The following DENND5B variants were observed in gnomAD, a reference collection of about 807,000 sequenced individuals.
The protein encoded by DENND5B is DENN domain containing 5B, also known as DENN domain-containing protein 5B.
A neutral mutation model predicts 140.6 loss-of-function variants in DENND5B; 34 were observed. That is an observed-to-expected ratio of 0.24 (90% CI 0.18 to 0.32). The LOEUF (loss-of-function observed/expected upper bound fraction) is 0.32, where lower values mean the gene tolerates loss of function less well. Ranked by LOEUF, DENND5B falls within the 10% of genes least tolerant of loss-of-function variation. The probability of loss-of-function intolerance (pLI) is 1.00; values close to 1 mark genes in which losing one functional copy is unlikely to be tolerated. For synonymous variants in DENND5B, 551 were observed against 562.1 expected (o/e 0.98, Z 0.28); for missense variants, 1,142 against 1,560.2 (o/e 0.73, Z 4.52).
intron 1 of DENND5B, among the ~76,000 whole-genome samples, chr12:31,551,396 G>A (rs9738834): frequency 0.56 from 84,563 of 151,768 alleles, 24,005 homozygotes; most frequent in East Asian, 0.82. Context: ...TATTTCTGAG[G>A]GCTCTGCTCT....
chr12:31,590,419 G>A (rs1950576876), intron 1 of DENND5B: 1 of 224,056 alleles, frequency 4.5e-6, no homozygotes, highest in South Asian at 1.7e-4. Context: ...AAGCGAAGGG[G>A]CCGGCGCGCC....
intron 18 of DENND5B, 86 bp downstream of exon 18, chr12:31,392,528 T>G (rs1941201847): frequency 6.6e-7 from 1 of 1,521,570 alleles, no homozygotes; most frequent in African/African-American, 1.4e-5. Flanking sequence ...CAAATGAAAA[T>G]TCAAGCACCC....
At chr12:31,578,466 C>T (rs536275516) in intron 1 of DENND5B, among the ~76,000 whole-genome samples, 79 of 152,266 alleles carry the variant, frequency 5.2e-4, no homozygotes, top group African/African-American at 1.6e-3. Flanking sequence ...TCATCAGTAA[C>T]GGTAGCTTAC....
intron 2 of DENND5B, among the ~76,000 whole-genome samples, chr12:31,482,104 C>G (rs753333322): frequency 2.0e-5 from 3 of 152,148 alleles, no homozygotes; most frequent in Non-Finnish European, 4.4e-5. Flanking sequence ...GGGTGGGTGT[C>G]CAAACTGCTC....
At chr12:31,503,390 T>A (rs1427960215) in intron 1 of DENND5B, among the ~76,000 whole-genome samples, 1 of 152,112 alleles carries the variant, frequency 6.6e-6, no homozygotes, top group East Asian at 1.9e-4. Context: ...TAAAACCCTG[T>A]CTCTACAAAA....
chr12:31,435,521 T>C (rs1018469933), intron 7 of DENND5B, among the ~76,000 whole-genome samples: 1 of 152,178 alleles, frequency 6.6e-6, no homozygotes, highest in Non-Finnish European at 1.5e-5. Context: ...TCTGTAGTCA[T>C]GTTAACATCT....
In DENND5B at chr12:31,497,105, GA is replaced by G. The variant is rs533616135; in HGVS notation, c.128-1187del. Among the ~76,000 whole-genome samples, 602 of 141,556 alleles carry G rather than the reference GA, an allele frequency of 4.3e-3. 4 individuals are homozygous for G. Among genetic ancestry groups the G allele is most frequent in the Non-Finnish European group, 4.9e-3 (319 of 64,512 alleles). 92.9% of individuals were successfully genotyped at this position (141,556 alleles called of 152,430 possible). A position where few individuals can be genotyped will look rare whatever the true frequency, so the allele number is the denominator to read the frequency against. On this transcript the variant is annotated intron_variant, in intron 1 of 20. Transcript: ENST00000389082. ...CAGTTTCTATTTTGGGTAAAAATAT[GA>G]AAAAAAAAAACCACCTTGGAATGCA...
chr12:31,503,556 A>C (rs945319657), intron 1 of DENND5B, among the ~76,000 whole-genome samples: 1 of 152,230 alleles, frequency 6.6e-6, no homozygotes, highest in African/African-American at 2.4e-5. Context: ...GTGTCTAAAC[A>C]AACAATTGAC....
In DENND5B at chr12:31,424,552, C is replaced by T. The variant is rs2137721433; in HGVS notation, c.2374G>A (p.Gly792Ser). 1 of 1,613,718 alleles carries T rather than the reference C, an allele frequency of 6.2e-7. No individual in the cohort carries two copies. Residue 792 changes from glycine to serine, a missense_variant, in exon 10 of 21, where the codon GGC (glycine) becomes AGC (serine). This residue lies in a region of DENND5B where 33 missense variants were observed against 90.8 expected (regional missense o/e 0.36). Transcript: ENST00000389082. ...ACTGTTACCTGCTTGACCTGCAAGCCATGGCTCCATATCCTCTCCAGCAGG... is the reference window on the plus strand; with the variant it reads ...ACTGTTACCTGCTTGACCTGCAAGCTATGGCTCCATATCCTCTCCAGCAGG... ...CDLLERIWSHGLQVKQGKSAL... is the reference protein window; with the variant it reads ...CDLLERIWSHSLQVKQGKSAL...
intron 1 of DENND5B, among the ~76,000 whole-genome samples, chr12:31,586,051 G>A (rs1950383733): frequency 6.6e-6 from 1 of 152,124 alleles, no homozygotes. Flanking sequence ...TAGAGGGCTT[G>A]TATATTTATT....
chr12:31,561,992 T>C (rs961079318), intron 1 of DENND5B, among the ~76,000 whole-genome samples: 1 of 152,192 alleles, frequency 6.6e-6, no homozygotes, highest in Non-Finnish European at 1.5e-5. Flanking sequence ...CAAATATAAA[T>C]AAATAACAGG....
intron 17 of DENND5B, among the ~76,000 whole-genome samples, chr12:31,394,392 C>T (rs746077571): frequency 1.3e-5 from 2 of 152,018 alleles, no homozygotes; most frequent in Non-Finnish European, 2.9e-5. Context: ...GGATAAAAGC[C>T]TCTCAGATAA....
At chr12:31,556,842 A>T (rs932617366) in intron 1 of DENND5B, among the ~76,000 whole-genome samples, 4 of 152,036 alleles carry the variant, frequency 2.6e-5, no homozygotes, top group Admixed American at 6.6e-5. Context: ...CAATATGATT[A>T]AAAAAAAGAA....
At chr12:31,428,032 C>A (rs533881333) in intron 8 of DENND5B, among the ~76,000 whole-genome samples, 1 of 152,238 alleles carries the variant, frequency 6.6e-6, no homozygotes, top group Non-Finnish European at 1.5e-5. Context: ...TGACGAAAGG[C>A]AAAATTAACA....
intron 15 of DENND5B, among the ~76,000 whole-genome samples, chr12:31,402,134 T>C (rs1191748093): frequency 2.0e-5 from 3 of 150,894 alleles, no homozygotes; most frequent in Non-Finnish European, 4.4e-5. Context: ...TGCCAAAGGA[T>C]GACCAGGTTT....
chr12:31,409,938 C>T (rs1489412373), intron 13 of DENND5B, among the ~76,000 whole-genome samples: 1 of 152,146 alleles, frequency 6.6e-6, no homozygotes, highest in Non-Finnish European at 1.5e-5. Context: ...GGCTGGCCCT[C>T]ATTAAGCCTT....
At chr12:31,451,678 C>A in intron 5 of DENND5B, 1 of 405,628 alleles carries the variant, frequency 2.5e-6, no homozygotes, top group Non-Finnish European at 4.4e-6. Context: ...AATGAGATTA[C>A]AGGCAATTTA....
intron 1 of DENND5B, among the ~76,000 whole-genome samples, chr12:31,574,040 T>G (rs965177265): frequency 6.6e-6 from 1 of 151,180 alleles, no homozygotes; most frequent in African/African-American, 2.4e-5. Context: ...GAAGAACCAT[T>G]TGAGGCAAGG....
At chr12:31,409,066 C>T (rs1057289960) in intron 14 of DENND5B, among the ~76,000 whole-genome samples, 197 bp downstream of exon 14, 6 of 152,200 alleles carry the variant, frequency 3.9e-5, no homozygotes, top group South Asian at 4.1e-4. Context: ...TTCAGTAAGG[C>T]GTTCTCTAAA....
Sources: allele counts gnomAD v4.1 joint callset (sites outside exome capture counted in the v4.1 genomes callset), GRCh38; gene constraint gnomAD v4.1.1; regional missense constraint gnomAD v4.1.1; transcripts MANE v1.5; gene names NCBI Gene and HGNC (gene_info 2026-07-23, HGNC 2026-07-21).